The following SLMAP variants were observed in gnomAD, a reference collection of about 807,000 sequenced individuals.
SLMAP encodes sarcolemma associated protein.
Under a neutral mutation model 128.8 loss-of-function variants are expected in SLMAP, and 44 were observed. That is an observed-to-expected ratio of 0.34 (90% CI 0.27 to 0.44). The LOEUF is 0.44. Among genes scored for constraint, SLMAP ranks in the 20% least tolerant of loss-of-function variants. The probability of loss-of-function intolerance (pLI) is 1.00; values close to 1 mark genes in which losing one functional copy is unlikely to be tolerated. For missense variants in SLMAP, 787 were observed against 985.3 expected (o/e 0.80, Z 2.69); for synonymous variants, 327 against 348.8 (o/e 0.94, Z 0.70).
chr3:57,874,021 G>C (rs2095545715), intron 14 of SLMAP, among the ~76,000 whole-genome samples: 1 of 152,138 alleles, frequency 6.6e-6, no homozygotes, highest in Non-Finnish European at 1.5e-5. Flanking sequence ...TACTCAGGAG[G>C]CTGAAGCAGG....
intron 23 of SLMAP, 34 bp downstream of exon 23, chr3:57,923,057 G>T: frequency 1.2e-6 from 2 of 1,604,278 alleles, no homozygotes; most frequent in South Asian, 2.2e-5. Context: ...AGCTTTGATT[G>T]AGAGGCACAT....
At chr3:57,815,952 A>G (rs2091796370) in intron 2 of SLMAP, among the ~76,000 whole-genome samples, 1 of 152,246 alleles carries the variant, frequency 6.6e-6, no homozygotes, top group Non-Finnish European at 1.5e-5. Context: ...GTTAGTATGT[A>G]CAAATACTGT....
intron 21 of SLMAP, among the ~76,000 whole-genome samples, chr3:57,915,169 A>AT (rs1363869278): frequency 6.6e-6 from 1 of 152,162 alleles, no homozygotes; most frequent in Non-Finnish European, 1.5e-5. Context: ...CCCTCGGCCG[A>AT]AAGTATTGAT....
chr3:57,917,093 A>C lies in SLMAP; in HGVS notation c.2310+16A>C. 1.9e-6 allele frequency: 3 copies of C among 1,613,602 alleles called. No homozygotes were observed. The highest frequency in any genetic ancestry group is 2.5e-6 in the Non-Finnish European group (3 of 1,179,718). ...GCAGAAAGAGGTAAAGCGAAAAGAC[A>C]TTATGAGCCCAATTATGGTTGGACT... is the stretch of plus-strand genomic sequence containing the variant. On this transcript the variant is annotated intron_variant, in intron 22 of 24. Transcript: ENST00000671191.
intron 2 of SLMAP, among the ~76,000 whole-genome samples, chr3:57,797,850 G>A (rs964638855): frequency 8.5e-5 from 13 of 152,098 alleles, no homozygotes; most frequent in Admixed American, 4.6e-4. Flanking sequence ...ATGGTAGAGC[G>A]GTAAAGATCT....
At chr3:57,912,984 A>C (rs575849600) in intron 20 of SLMAP, among the ~76,000 whole-genome samples, 174 bp from the exon 21 acceptor site, 8 of 152,368 alleles carry the variant, frequency 5.3e-5, no homozygotes, top group Admixed American at 4.6e-4. Flanking sequence ...AGCTGATAGC[A>C]GTCCTTGAGG....
At chr3:57,920,519 G>A (rs2096897723) in intron 22 of SLMAP, among the ~76,000 whole-genome samples, 1 of 151,972 alleles carries the variant, frequency 6.6e-6, no homozygotes, top group Non-Finnish European at 1.5e-5. Flanking sequence ...GTCATTCCAA[G>A]GTGTTTACAT....
chr3:57,862,019 T>G lies in SLMAP; in HGVS notation c.899T>G (p.Leu300Ter). Residue 300 changes from leucine (L) to a stop codon, truncating the protein, a stop_gained, in exon 10 of 25, where the codon TTA becomes TGA. Transcript: ENST00000671191. LOFTEE classifies it high-confidence loss of function. ...ATGAATGAAAGGACTCAGGAAGAAT[T>G]AAGAGAATTAGCCAACAAATATAAT... ...KEMNERTQEE[L>*]RELANKYNGA... 2 of 1,603,222 alleles carry G rather than the reference T, an allele frequency of 1.2e-6. No individual in the cohort carries two copies. Among genetic ancestry groups the G allele is most frequent in the Non-Finnish European group, 1.7e-6 (2 of 1,170,184 alleles).
chr3:57,779,958 A>G (rs1465458970), intron 2 of SLMAP, among the ~76,000 whole-genome samples: 2 of 151,910 alleles, frequency 1.3e-5, no homozygotes, highest in Admixed American at 6.6e-5. Context: ...TGTTTCATTC[A>G]TATTTATATG....
At chr3:57,831,580 A>G (rs764052718) in intron 3 of SLMAP, 50 bp downstream of exon 3, 3 of 1,269,858 alleles carry the variant, frequency 2.4e-6, no homozygotes, top group Non-Finnish European at 3.2e-6. Context: ...AAGGTTATTT[A>G]ATTTTTTATT....
intron 4 of SLMAP, among the ~76,000 whole-genome samples, chr3:57,846,118 G>T (rs1233911181): frequency 6.6e-6 from 1 of 152,200 alleles, no homozygotes; most frequent in East Asian, 1.9e-4. Flanking sequence ...GGGATTACAG[G>T]TGTGAGCCAC....
chr3:57,917,104 A>C lies in SLMAP; in HGVS notation c.2310+27A>C, dbSNP rs1458931530. The C allele has an allele frequency of 3.1e-6, 5 of 1,613,026 alleles. No homozygotes were observed. In the Admixed American group the frequency reaches 8.3e-5, roughly 27 times the overall value. On this transcript the variant is annotated intron_variant, in intron 22 of 24. Transcript: ENST00000671191. ...TAAAGCGAAAAGACATTATGAGCCC[A>C]ATTATGGTTGGACTTAAAGCCAAAA...
chr3:57,814,544 A>G (rs1481258765), intron 2 of SLMAP, among the ~76,000 whole-genome samples: 4 of 152,152 alleles, frequency 2.6e-5, no homozygotes, highest in Admixed American at 2.0e-4. Context: ...ACATCTGCTA[A>G]ATACTATTTA....
chr3:57,807,236 AAGTTCCTTATAGATTCTGGATATTAG>A (rs2090075063), intron 2 of SLMAP, among the ~76,000 whole-genome samples: 1 of 152,076 alleles, frequency 6.6e-6, no homozygotes, highest in Non-Finnish European at 1.5e-5. Context: ...AAATCTGTTT[AAGTTCCTTATAGATTCTGGATATTAG>A]ACCTTTGTCA....
At chr3:57,812,924 T>G (rs2091249729) in intron 2 of SLMAP, among the ~76,000 whole-genome samples, 1 of 152,090 alleles carries the variant, frequency 6.6e-6, no homozygotes. Context: ...GGATTGTTCA[T>G]TGTTTAGTGT....
At chr3:57,917,130 G>T in intron 22 of SLMAP, 53 bp downstream of exon 22, 2 of 1,609,772 alleles carry the variant, frequency 1.2e-6, no homozygotes, top group Non-Finnish European at 1.7e-6. Context: ...AAAGCCAAAA[G>T]CAAATCGGAT....
chr3:57,774,524 T>TATC (rs1330607778), intron 2 of SLMAP, among the ~76,000 whole-genome samples: 1 of 151,094 alleles, frequency 6.6e-6, no homozygotes, highest in African/African-American at 2.4e-5. Context: ...TTATTATTAT[T>TATC]ATTATTATTA....
chr3:57,812,666 T>C (rs1370965424), intron 2 of SLMAP, among the ~76,000 whole-genome samples: 1 of 152,222 alleles, frequency 6.6e-6, no homozygotes, highest in Non-Finnish European at 1.5e-5. Flanking sequence ...ATTATTGGCA[T>C]CTTAACAGTA....
chr3:57,926,776 T>C (rs1043027345), intron 24 of SLMAP, among the ~76,000 whole-genome samples: 1 of 152,218 alleles, frequency 6.6e-6, no homozygotes, highest in Non-Finnish European at 1.5e-5. Flanking sequence ...ATGTTACTTT[T>C]CCATCTTGAA....
Sources: gnomAD v4.1 joint callset for allele counts (sites outside exome capture counted in the v4.1 genomes callset) on GRCh38, gnomAD v4.1.1 for gene constraint, MANE v1.5 for transcripts, NCBI Gene and HGNC (gene_info 2026-07-23, HGNC 2026-07-21) for gene names.